CALCR: variants seen among roughly 807,000 people sequenced by gnomAD.
CALCR encodes the protein calcitonin receptor.
CALCR carries 47 observed loss-of-function variants against 59.5 expected under a neutral mutation model. That is an observed-to-expected ratio of 0.79 (90% CI 0.63 to 1.01). The LOEUF is 1.01. CALCR is among the 50% of genes least tolerant of loss of function. The pLI, the probability that CALCR is intolerant of heterozygous loss-of-function variation, is 0.00. For synonymous variants in CALCR, 213 were observed against 211.3 expected, an observed-to-expected ratio of 1.01 and a Z score of -0.07; for missense variants, 566 against 597.1, an observed-to-expected ratio of 0.95 and a Z score of 0.54.
intron 2 of CALCR, among the ~76,000 whole-genome samples, chr7:93,494,729 G>A (rs373892397): frequency 4.0e-5 from 6 of 151,352 alleles, no homozygotes; most frequent in African/African-American, 9.7e-5. Context: ...GAGGGGAGAA[G>A]AAAACATATA....
chr7:93,493,516 T>G (rs1250536596), intron 2 of CALCR, among the ~76,000 whole-genome samples: 3 of 151,406 alleles, frequency 2.0e-5, no homozygotes, highest in Non-Finnish European at 4.4e-5. Flanking sequence ...GGTCACCATC[T>G]TTCTCTTCAG....
chr7:93,482,662 A>G, intron 3 of CALCR: 2 of 412,352 alleles, frequency 4.9e-6, no homozygotes, highest in Non-Finnish European at 9.8e-6. Flanking sequence ...TGTATTTTCA[A>G]TTATATTTTT....
At chr7:93,465,488 C>T (rs555316413) in intron 7 of CALCR, among the ~76,000 whole-genome samples, 32 of 152,014 alleles carry the variant, frequency 2.1e-4, no homozygotes, top group African/African-American at 7.7e-4. Flanking sequence ...AAACTAAATA[C>T]CATCCTAATA....
At position 93,452,434 on chromosome 7, in the gene CALCR, A is replaced by G. The variant is rs1800129131; in HGVS notation, c.648+8387T>C. ...AAAAAGACCCTCGGCTCACCTGGAA[A>G]ACTGTCAACCTGTACAGTCTTTAAA... On this transcript the variant is annotated intron_variant, in intron 8 of 13. Coordinates refer to ENST00000426151, the MANE Select transcript of CALCR (RefSeq NM_001742.4). Among the ~76,000 whole-genome samples, 8 of 152,138 alleles carry G rather than the reference A, an allele frequency of 5.3e-5. No homozygotes were observed. In the South Asian group the frequency reaches 1.2e-3, roughly 24 times the overall value.
At chr7:93,547,416 T>A (rs2116212656) in intron 2 of CALCR, among the ~76,000 whole-genome samples, 1 of 152,316 alleles carries the variant, frequency 6.6e-6, no homozygotes, top group Middle Eastern at 3.4e-3. Context: ...AATTTACTTT[T>A]TTGTTACTTA....
intron 2 of CALCR, among the ~76,000 whole-genome samples, chr7:93,568,559 C>T (rs1326199762): frequency 7.2e-6 from 1 of 139,070 alleles, no homozygotes; most frequent in African/African-American, 2.7e-5. Flanking sequence ...CTCTCTCTGT[C>T]TCTCTCCTGT....
Position 93,426,578 on chromosome 7 carries a change from G to T in CALCR, c.1203C>A (p.Thr401=), listed in dbSNP as rs756884648. 1.2e-6 allele frequency: 2 copies of T among 1,600,046 alleles called. No homozygotes were observed. Among genetic ancestry groups the T allele is most frequent in the Admixed American group, 3.4e-5 (2 of 59,178 alleles). The change falls in exon 14 of 14, where the codon ACC becomes ACA. Residue 401 remains threonine, a synonymous_variant. Transcript: ENST00000426151. ...YCFCNNEVQT[T]VKRQWAQFKI... The stretch of plus-strand genomic sequence containing the variant: ...TGAATTGGGCCCATTGGCGCTTCAC[G>T]GTGGTTTGGACCTGGAAGAGAAAAA...
At chr7:93,448,495 A>G (rs1421640147) in intron 8 of CALCR, among the ~76,000 whole-genome samples, 3 of 151,966 alleles carry the variant, frequency 2.0e-5, no homozygotes, top group African/African-American at 4.8e-5. Flanking sequence ...TTTGTGTCCA[A>G]TCCTGGGCTA....
At chr7:93,427,503 A>G (rs1799555444) in intron 13 of CALCR, among the ~76,000 whole-genome samples, 1 of 152,228 alleles carries the variant, frequency 6.6e-6, no homozygotes, top group Non-Finnish European at 1.5e-5. Flanking sequence ...AAATATTTGC[A>G]TCAATTTATG....
At chr7:93,541,427 T>C (rs1194603427) in intron 2 of CALCR, among the ~76,000 whole-genome samples, 1 of 152,114 alleles carries the variant, frequency 6.6e-6, no homozygotes, top group Non-Finnish European at 1.5e-5. Flanking sequence ...CCTCCCAAAG[T>C]GCTGGGATTA....
At chr7:93,571,626 C>T (rs996715085) in intron 2 of CALCR, among the ~76,000 whole-genome samples, 1 of 151,908 alleles carries the variant, frequency 6.6e-6, no homozygotes, top group Admixed American at 6.6e-5. Flanking sequence ...ATAAATGCTG[C>T]TGTTAAGTTG....
intron 8 of CALCR, among the ~76,000 whole-genome samples, chr7:93,458,428 C>T (rs987977507): frequency 6.6e-6 from 1 of 152,022 alleles, no homozygotes; most frequent in Non-Finnish European, 1.5e-5. Context: ...ATCCCTTGGC[C>T]CTTCACTGTG....
intron 3 of CALCR, chr7:93,482,993 C>T (rs1043378961): frequency 8.3e-5 from 36 of 432,644 alleles, no homozygotes; most frequent in South Asian, 6.0e-4. Context: ...AATAACATAC[C>T]CATTGGGGCA....
At chr7:93,455,515 T>G (rs1482111090) in intron 8 of CALCR, among the ~76,000 whole-genome samples, 3 of 151,962 alleles carry the variant, frequency 2.0e-5, no homozygotes, top group African/African-American at 7.2e-5. Context: ...TCAAGAAAAA[T>G]TCAGTATTTA....
At chr7:93,467,309 TG>T (rs2115835150) in intron 7 of CALCR, among the ~76,000 whole-genome samples, 1 of 151,830 alleles carries the variant, frequency 6.6e-6, no homozygotes, top group South Asian at 2.1e-4. Flanking sequence ...AAACCATTTA[TG>T]GAAGGAGCTC....
chr7:93,436,237 C>T (rs1049867197), intron 11 of CALCR, 67 bp from the exon 12 acceptor site: 17 of 1,295,628 alleles, frequency 1.3e-5, no homozygotes, highest in Middle Eastern at 1.8e-4. Context: ...GCACTGTTCT[C>T]AATTCTTGTT....
At chr7:93,439,265 T>G (rs1170303891) in intron 9 of CALCR, among the ~76,000 whole-genome samples, 1 of 152,156 alleles carries the variant, frequency 6.6e-6, no homozygotes, top group African/African-American at 2.4e-5. Flanking sequence ...GAAGCATATT[T>G]TCAATAGGAC....
intron 2 of CALCR, among the ~76,000 whole-genome samples, chr7:93,490,590 C>T (rs1452202723): frequency 6.6e-6 from 1 of 151,786 alleles, no homozygotes; most frequent in East Asian, 1.9e-4. Context: ...GCAAAAATTA[C>T]AAGCATTCCT....
rs568118734 is a variant in CALCR, at chr7:93,552,972, A to G, written c.-27+21317T>C. ...CCTCACTGAATGAGATAAACATAGC[A>G]CTTGTTTCTATGGCAATGGTAAAAC... On this transcript the variant is annotated intron_variant, in intron 2 of 13. Coordinates refer to ENST00000426151, the MANE Select transcript of CALCR (RefSeq NM_001742.4). Among the ~76,000 whole-genome samples the G allele has an allele frequency of 4.3e-4, 65 of 152,274 alleles. 1 individual carries two copies. In the South Asian group the frequency reaches 0.013, roughly 31 times the overall value.
Sources: gnomAD v4.1 joint callset for allele counts (sites outside exome capture counted in the v4.1 genomes callset) on GRCh38, gnomAD v4.1.1 for gene constraint, MANE v1.5 for transcripts, NCBI Gene and HGNC (gene_info 2026-07-23, HGNC 2026-07-21) for gene names.